MAGI2: variants seen among roughly 807,000 people sequenced by gnomAD.
The protein encoded by MAGI2 is membrane associated guanylate kinase, WW and PDZ domain containing 2, also known as membrane-associated guanylate kinase, WW and PDZ domain-containing protein 2.
MAGI2 carries 35 observed loss-of-function variants against 133.3 expected under a neutral mutation model. That is an observed-to-expected ratio of 0.26 (90% CI 0.20 to 0.35). The LOEUF (loss-of-function observed/expected upper bound fraction) is 0.35, where lower values mean the gene tolerates loss of function less well. Ranked by LOEUF, MAGI2 falls within the 10% of genes least tolerant of loss-of-function variation. MAGI2 has a pLI of 1.00. For synonymous variants in MAGI2, 729 were observed against 710.6 expected (o/e 1.03, Z -0.41); for missense variants, 1,636 against 1,863.4 (o/e 0.88, Z 2.25).
chr7:78,922,962 C>T (rs1283816576), intron 2 of MAGI2, among the ~76,000 whole-genome samples: 1 of 152,002 alleles, frequency 6.6e-6, no homozygotes, highest in Admixed American at 6.5e-5. Context: ...AGCATTTTTT[C>T]ATGTGTCTTT....
intron 1 of MAGI2, among the ~76,000 whole-genome samples, chr7:79,388,212 T>C (rs940320827): frequency 4.6e-5 from 7 of 151,994 alleles, no homozygotes; most frequent in South Asian, 2.1e-4. Context: ...TAAAAAGGCA[T>C]GCTAAAACAT....
intron 1 of MAGI2, among the ~76,000 whole-genome samples, chr7:79,224,837 C>T (rs551727350): frequency 9.9e-5 from 15 of 152,104 alleles, no homozygotes; most frequent in Admixed American, 2.0e-4. Context: ...TGACTACAAA[C>T]GGACATAAGG....
chr7:78,740,256 G>A (rs1201188948), intron 2 of MAGI2, among the ~76,000 whole-genome samples: 3 of 151,212 alleles, frequency 2.0e-5, no homozygotes, highest in African/African-American at 7.3e-5. Flanking sequence ...CCTTATCCTT[G>A]TTATCACCTA....
intron 2 of MAGI2, among the ~76,000 whole-genome samples, chr7:78,780,904 G>A (rs1290535132): frequency 6.6e-6 from 1 of 152,156 alleles, no homozygotes; most frequent in Non-Finnish European, 1.5e-5. Flanking sequence ...AAAAGTTGTA[G>A]GAAAATTGCA....
chr7:78,775,742 T>TAGAAAGTGAAGTCTGGAAAATCTA, intron 2 of MAGI2, among the ~76,000 whole-genome samples: 1 of 152,118 alleles, frequency 6.6e-6, no homozygotes, highest in Non-Finnish European at 1.5e-5. Flanking sequence ...CACAATAACT[T>TAGAAAGTGAAGTCTGGAAAATCTA]AGAAAGTGAA....
intron 21 of MAGI2, among the ~76,000 whole-genome samples, chr7:78,025,034 C>G (rs1563016881): frequency 6.6e-6 from 1 of 152,168 alleles, no homozygotes; most frequent in Non-Finnish European, 1.5e-5. Context: ...GCTCTTAGAT[C>G]AAAATCCAAA....
At chr7:79,015,868 T>C (rs1356067761) in intron 1 of MAGI2, among the ~76,000 whole-genome samples, 1 of 151,990 alleles carries the variant, frequency 6.6e-6, no homozygotes, top group Non-Finnish European at 1.5e-5. Context: ...GGCATACTTC[T>C]AGCAGATCTT....
At chr7:79,310,612 A>G (rs1465344948) in intron 1 of MAGI2, among the ~76,000 whole-genome samples, 2 of 152,166 alleles carry the variant, frequency 1.3e-5, no homozygotes, top group African/African-American at 4.8e-5. Context: ...ACAGATGGGA[A>G]GGAAGTCATT....
At chr7:79,136,231 T>C (rs1482909138) in intron 1 of MAGI2, among the ~76,000 whole-genome samples, 1 of 152,224 alleles carries the variant, frequency 6.6e-6, no homozygotes, top group Non-Finnish European at 1.5e-5. Context: ...TTGTCTTTCC[T>C]ATTTCCATCC....
chr7:79,168,050 C>T (rs1825119222), intron 1 of MAGI2, among the ~76,000 whole-genome samples: 1 of 152,150 alleles, frequency 6.6e-6, no homozygotes, highest in Non-Finnish European at 1.5e-5. Context: ...TTCGGCCCAT[C>T]CCTTCGTTTC....
chr7:78,476,475 T>C (rs1428376588), intron 6 of MAGI2, among the ~76,000 whole-genome samples: 1 of 151,974 alleles, frequency 6.6e-6, no homozygotes, highest in Non-Finnish European at 1.5e-5. Flanking sequence ...GAAAATAATA[T>C]AATCTCCAAG....
chr7:78,521,355 G>T, intron 4 of MAGI2, 75 bp downstream of exon 4: 1 of 997,446 alleles, frequency 1.0e-6, no homozygotes, highest in Non-Finnish European at 1.6e-6. Context: ...ATATCTTACT[G>T]TGTATATGTG....
In MAGI2 at chr7:78,671,676, G is replaced by T. The variant is rs926359834; in HGVS notation, c.419-44437C>A. ...AATCACTTGGCACTGCATAAAGAAA[G>T]AATTCTACAGGAAATGTAAACACAG... On this transcript the variant is annotated intron_variant, in intron 2 of 21. Transcript: ENST00000354212. Among the ~76,000 whole-genome samples, 4 of 152,106 alleles carry T rather than the reference G, an allele frequency of 2.6e-5. No homozygotes were observed. In the East Asian group the frequency reaches 7.7e-4, roughly 29 times the overall value.
intron 20 of MAGI2, among the ~76,000 whole-genome samples, chr7:78,094,229 C>T (rs1817503843): frequency 6.6e-6 from 1 of 152,228 alleles, no homozygotes; most frequent in South Asian, 2.1e-4. Flanking sequence ...CAGTCCACTT[C>T]ATGATGCTTC....
Position 78,804,759 on chromosome 7 carries a change from A to AC in MAGI2, c.419-177521_419-177520insG, listed in dbSNP as rs1563526030. On this transcript the variant is annotated intron_variant, in intron 2 of 21. Coordinates refer to ENST00000354212, the MANE Select transcript of MAGI2 (RefSeq NM_012301.4). ...GCGAGACTCTGTCTCAAAAAAAAAA[A>AC]AAAAAAAAAAAAACCTTTGGCCCTT... is the stretch of plus-strand genomic sequence containing the variant. Among the ~76,000 whole-genome samples the AC allele has an allele frequency of 2.9e-3, 399 of 139,508 alleles. 4 individuals are homozygous for AC. Among genetic ancestry groups the AC allele is most frequent in the African/African-American group, 0.012 (379 of 32,920 alleles). The allele number at this position is 139,508 out of a possible 152,430, so 91.5% of individuals were successfully genotyped here.
In MAGI2 at chr7:78,508,942, G is replaced by A. The variant is rs142364055; in HGVS notation, c.755-7155C>T. ...GTTCTGTCACCAGACTGGGTGCAGT[G>A]GCGATCTTGGCTCACTGCAACCTCT... is the stretch of plus-strand genomic sequence containing the variant. On this transcript the variant is annotated intron_variant, in intron 4 of 21. Transcript: ENST00000354212. Among the ~76,000 whole-genome samples, 225 of 150,106 alleles carry A rather than the reference G, an allele frequency of 1.5e-3. 1 individual carries two copies. Among genetic ancestry groups the A allele is most frequent in the African/African-American group, 5.2e-3 (210 of 40,656 alleles).
At chr7:78,401,674 TCTC>T (rs930510151) in intron 6 of MAGI2, among the ~76,000 whole-genome samples, 2 of 152,162 alleles carry the variant, frequency 1.3e-5, no homozygotes, top group African/African-American at 4.8e-5. Flanking sequence ...TATAGTTCCT[TCTC>T]CTTCTTTTAA....
chr7:78,302,301 A>G (rs1306335061), intron 9 of MAGI2, among the ~76,000 whole-genome samples: 1 of 152,196 alleles, frequency 6.6e-6, no homozygotes, highest in Admixed American at 6.5e-5. Context: ...CCATCTTTAC[A>G]ATAGAGAAAA....
chr7:78,982,805 T>C (rs1741560676), intron 2 of MAGI2, among the ~76,000 whole-genome samples: 2 of 151,938 alleles, frequency 1.3e-5, no homozygotes, highest in African/African-American at 2.4e-5. Flanking sequence ...CTTTTTCTTC[T>C]ACTTTGTCTA....
Sources: allele counts gnomAD v4.1 joint callset (sites outside exome capture counted in the v4.1 genomes callset), GRCh38; gene constraint gnomAD v4.1.1; transcripts MANE v1.5; gene names NCBI Gene and HGNC (gene_info 2026-07-23, HGNC 2026-07-21).